The following CNGA3 variants were observed in gnomAD, a reference collection of about 807,000 sequenced individuals.
CNGA3 encodes cyclic nucleotide-gated channel alpha-3.
CNGA3 carries 42 observed loss-of-function variants against 46.6 expected under a neutral mutation model. The ratio of observed to expected loss-of-function variants is 0.90; its 90% CI spans 0.70 to 1.17. The LOEUF is 1.17. Ranked by LOEUF, CNGA3 falls within the 50% of genes most tolerant of loss-of-function variation. The pLI, the probability that CNGA3 is intolerant of heterozygous loss-of-function variation, is 0.00. For synonymous variants in CNGA3, 394 were observed against 369.4 expected, an observed-to-expected ratio of 1.07 and a Z score of -0.76; for missense variants, 893 against 890.7, an observed-to-expected ratio of 1.00 and a Z score of -0.03.
chr2:98,346,648 A>T (rs1229223739), intron 1 of CNGA3, 114 bp downstream of exon 1: 1 of 392,590 alleles, frequency 2.5e-6, no homozygotes, highest in East Asian at 3.6e-5. Context: ...CAGGGGAGGG[A>T]TGCTGCTGCT....
intron 5 of CNGA3, 95 bp from the exon 6 acceptor site, chr2:98,389,563 G>T: frequency 9.4e-7 from 1 of 1,064,768 alleles, no homozygotes; most frequent in Non-Finnish European, 1.5e-6. Flanking sequence ...GCCACATCTT[G>T]GGCTTCAGCC....
At chr2:98,387,714 T>G (rs1382614720) in intron 5 of CNGA3, among the ~76,000 whole-genome samples, 2 of 152,178 alleles carry the variant, frequency 1.3e-5, no homozygotes, top group Non-Finnish European at 2.9e-5. Context: ...CCACACGTAT[T>G]TGCCACTACA....
At chr2:98,375,827 G>T (rs1349763868) in intron 2 of CNGA3, among the ~76,000 whole-genome samples, 2 of 152,102 alleles carry the variant, frequency 1.3e-5, no homozygotes, top group East Asian at 3.9e-4. Flanking sequence ...TTTGAAATGG[G>T]ATGGAATAAC....
chr2:98,397,351 T>G lies in CNGA3; in HGVS notation c.*96T>G, dbSNP rs1692946827. The G allele has an allele frequency of 8.0e-7, 1 of 1,251,812 alleles. No homozygotes were observed. Among genetic ancestry groups the G allele is most frequent in the Non-Finnish European group, 1.1e-6 (1 of 871,566 alleles). The allele number at this position is 1,251,812 out of a possible 1,614,324, so 77.5% of individuals were successfully genotyped here. On this transcript the variant is annotated 3_prime_UTR_variant, in exon 8 of 8. Coordinates refer to ENST00000272602, the MANE Select transcript of CNGA3 (RefSeq NM_001298.3). ...GCATGGAACTTGGTCAGGGTTGAAT[T>G]CCAGCTCTACTCACCCTTTGAAAGC...
At position 98,369,175 on chromosome 2, in the gene CNGA3, C is replaced by T. The variant is rs183047103; in HGVS notation, c.-37-764C>T. ...TCCTTCCCAAGGCTAGTTCGGCCTACGCCCAGGAATGAATAAGGACAATTT... is the reference window on the plus strand; with the variant it reads ...TCCTTCCCAAGGCTAGTTCGGCCTATGCCCAGGAATGAATAAGGACAATTT... On this transcript the variant is annotated intron_variant, in intron 1 of 7. Transcript: ENST00000272602. Among the ~76,000 whole-genome samples, 43 of 152,302 alleles carry T rather than the reference C, an allele frequency of 2.8e-4. No individual in the cohort carries two copies. In the East Asian group the frequency reaches 2.9e-3, roughly 10 times the overall value.
intron 7 of CNGA3, among the ~76,000 whole-genome samples, chr2:98,393,101 A>G (rs1450414315): frequency 1.3e-5 from 2 of 152,150 alleles, no homozygotes; most frequent in Non-Finnish European, 2.9e-5. Flanking sequence ...CCTTGTCTCT[A>G]CAAAAAGAAA....
intron 2 of CNGA3, among the ~76,000 whole-genome samples, chr2:98,370,917 TG>T (rs1488388462): frequency 2.0e-5 from 3 of 152,170 alleles, no homozygotes; most frequent in Admixed American, 6.5e-5. Flanking sequence ...CTCGGCTCAC[TG>T]GGTTCAAGTG....
chr2:98,380,113 G>T, intron 3 of CNGA3, 62 bp from the exon 4 acceptor site: 1 of 1,572,922 alleles, frequency 6.4e-7, no homozygotes, highest in Admixed American at 1.7e-5. Context: ...GGAAAGACTG[G>T]GGTTTGGGGG....
chr2:98,372,792 T>C (rs1014497600), intron 2 of CNGA3, among the ~76,000 whole-genome samples: 21 of 152,272 alleles, frequency 1.4e-4, no homozygotes, highest in Non-Finnish European at 2.8e-4. Context: ...CTTCTTCCTG[T>C]GGCCCTTCTC....
intron 1 of CNGA3, among the ~76,000 whole-genome samples, chr2:98,360,591 G>T (rs985286084): frequency 6.6e-6 from 1 of 152,210 alleles, no homozygotes; most frequent in Non-Finnish European, 1.5e-5. Flanking sequence ...CACATAGTAA[G>T]TGCTCAATTA....
chr2:98,380,259 T>G lies in CNGA3; in HGVS notation c.300T>G (p.Asp100Glu), dbSNP rs761615922. Reference protein sequence around the residue: ...HQDQGPDSFPDRFRGAELKEV... With the variant: ...HQDQGPDSFPERFRGAELKEV... ...ACCAGGGACCGGACTCTTTTCCTGA[T>G]CGTTTCCGTGGAGCCGAGCTTAAGG... The change falls in exon 4 of 8, where the codon GAT becomes GAG. Residue 100 changes from aspartate (D) to glutamate (E), a missense_variant. Asp to Glu is a conservative substitution (Grantham distance 45). Around this residue, in one of 3 missense-constraint regions of CNGA3, gnomAD observed 333 missense variants for 290.8 expected, o/e 1.15. Coordinates refer to ENST00000272602, the MANE Select transcript of CNGA3 (RefSeq NM_001298.3). 6.2e-7 allele frequency: 1 copy of G among 1,614,080 alleles called. No homozygotes were observed. Among genetic ancestry groups the G allele is most frequent in the East Asian group, 2.2e-5 (1 of 44,868 alleles).
At chr2:98,363,607 C>T (rs1020110687) in intron 1 of CNGA3, among the ~76,000 whole-genome samples, 1 of 152,166 alleles carries the variant, frequency 6.6e-6, no homozygotes, top group African/African-American at 2.4e-5. Context: ...AAGGGGAATG[C>T]TTCCAGATTT....
intron 2 of CNGA3, 57 bp from the exon 3 acceptor site, chr2:98,377,630 T>C: frequency 1.4e-6 from 2 of 1,472,960 alleles, no homozygotes; most frequent in Non-Finnish European, 1.9e-6. Flanking sequence ...CCTGGCTGTG[T>C]CCAGGAGGTA....
At chr2:98,372,035 A>G (rs1692299307) in intron 2 of CNGA3, among the ~76,000 whole-genome samples, 1 of 152,202 alleles carries the variant, frequency 6.6e-6, no homozygotes, top group Admixed American at 6.5e-5. Flanking sequence ...GAGCTTCCAG[A>G]TTCCCTAAAG....
intron 5 of CNGA3, among the ~76,000 whole-genome samples, chr2:98,386,811 A>T (rs1198113884): frequency 2.6e-5 from 4 of 152,196 alleles, no homozygotes; most frequent in African/African-American, 9.7e-5. Context: ...TAAGGAAGCC[A>T]CAGCCTCGAA....
At chr2:98,389,835 G>C in intron 6 of CNGA3, 61 bp downstream of exon 6, 1 of 1,388,762 alleles carries the variant, frequency 7.2e-7, no homozygotes, top group South Asian at 1.2e-5. Context: ...AGGCCCAGGA[G>C]CCAGAGCTCC....
intron 1 of CNGA3, among the ~76,000 whole-genome samples, chr2:98,356,867 C>T (rs1215997285): frequency 6.6e-6 from 1 of 152,196 alleles, no homozygotes; most frequent in East Asian, 1.9e-4. Flanking sequence ...AGTATGTTTG[C>T]TCTCTCATAA....
intron 1 of CNGA3, among the ~76,000 whole-genome samples, chr2:98,365,461 G>T (rs774880097): frequency 1.3e-5 from 2 of 152,178 alleles, no homozygotes; most frequent in Non-Finnish European, 1.5e-5. Flanking sequence ...TGTCTTGCTA[G>T]GTTGGGGAGG....
intron 2 of CNGA3, among the ~76,000 whole-genome samples, chr2:98,376,157 C>A (rs1359026191): frequency 6.6e-6 from 1 of 152,140 alleles, no homozygotes; most frequent in Non-Finnish European, 1.5e-5. Flanking sequence ...GGTCCTCTGG[C>A]TGGCAGCAGC....
Sources: allele counts gnomAD v4.1 joint callset (sites outside exome capture counted in the v4.1 genomes callset), GRCh38; gene constraint gnomAD v4.1.1; regional missense constraint gnomAD v4.1.1; transcripts MANE v1.5; gene names NCBI Gene and HGNC (gene_info 2026-07-23, HGNC 2026-07-21).